Variants in DHDH observed in about 807,000 individuals in gnomAD.
DHDH encodes dihydrodiol dehydrogenase.
A neutral mutation model predicts 33.2 loss-of-function variants in DHDH; 29 were observed. That is an observed-to-expected ratio of 0.87 (90% CI 0.65 to 1.19). DHDH has a LOEUF of 1.19. DHDH is among the 50% of genes most tolerant of loss of function. The pLI is 0.00. For synonymous variants in DHDH, 201 were observed against 187.9 expected, an observed-to-expected ratio of 1.07 and a Z score of -0.57; for missense variants, 431 against 455.0, an observed-to-expected ratio of 0.95 and a Z score of 0.48.
In DHDH at chr19:48,935,093, G is replaced by T; in HGVS notation, c.184G>T (p.Ala62Ser). Residue 62 changes from alanine (A) to serine (S), a missense_variant, in exon 2 of 7, where the codon GCC (alanine) becomes TCC (serine). By Grantham distance (99) the Ala-to-Ser change is moderately conservative. Transcript: ENST00000221403. ...GGCCTACGGCTCCTATGAGGAGCTG[G>T]CCAAGGACCCGAGCGTGGGTGAGTG... ...PKAYGSYEEL[A>S]KDPSVEVAYI... 6.3e-7 allele frequency: 1 copy of T among 1,580,948 alleles called. No homozygotes were observed.
upstream of DHDH, chr19:48,933,686 A>C: frequency 6.2e-7 from 1 of 1,608,516 alleles, no homozygotes; most frequent in Admixed American, 1.7e-5. Flanking sequence ...TCGCGCCTGG[A>C]GGGACCGAAG....
chr19:48,944,869 T>G lies in DHDH; in HGVS notation c.941T>G (p.Leu314Arg). 1 of 1,614,078 alleles carries G rather than the reference T, an allele frequency of 6.2e-7. No homozygotes were observed. The highest frequency in any genetic ancestry group is 8.5e-7 in the Non-Finnish European group (1 of 1,180,028). ...PVIPLSESEL[L>R]ADILEEVRKA... ...ATTCCCCTGTCGGAAAGTGAGCTCC[T>G]GGCTGACATCCTTGAAGAGGTGAGG... The change falls in exon 7 of 7, where the codon CTG (leucine) becomes CGG (arginine). Residue 314 changes from leucine to arginine, a missense_variant. Transcript: ENST00000221403.
At chr19:48,942,239 C>T (rs555193913) in intron 4 of DHDH, among the ~76,000 whole-genome samples, 1 of 151,974 alleles carries the variant, frequency 6.6e-6, no homozygotes, top group South Asian at 2.1e-4. Context: ...CTCATGACCC[C>T]ACGATCTGCC....
chr19:48,941,512 G>T (rs1404635705), intron 4 of DHDH, among the ~76,000 whole-genome samples: 4 of 152,056 alleles, frequency 2.6e-5, no homozygotes, highest in Non-Finnish European at 5.9e-5. Context: ...CCCCCAAGTA[G>T]CTGGGCATAC....
Position 48,939,551 on chromosome 19 carries a change from A to G in DHDH, c.469A>G (p.Asn157Asp). Reference sequence around the variant, plus strand: ...GGTGGCTCGGGCAGAATTTGGGAAGAATCTCATCCACGTTCCCCGGGCCGT... The same window carrying G: ...GGTGGCTCGGGCAGAATTTGGGAAGGATCTCATCCACGTTCCCCGGGCCGT... ...LRVARAEFGK[N>D]LIHVPRAVDR... The change falls in exon 4 of 7, where the codon AAT (asparagine) becomes GAT (aspartate). Residue 157 changes from asparagine to aspartate, a missense_variant. Coordinates refer to ENST00000221403, the MANE Select transcript of DHDH (RefSeq NM_014475.4). 6.2e-7 allele frequency: 1 copy of G among 1,613,954 alleles called. No homozygotes were observed. The highest frequency in any genetic ancestry group is 8.5e-7 in the Non-Finnish European group (1 of 1,180,018).
At chr19:48,941,675 CTTTT>C (rs541784306) in intron 4 of DHDH, among the ~76,000 whole-genome samples, 5 of 131,162 alleles carry the variant, frequency 3.8e-5, no homozygotes, top group Non-Finnish European at 3.3e-5. Flanking sequence ...GAACCACCGG[CTTTT>C]TTTTTTTTTT....
chr19:48,936,034 G>A lies in DHDH; in HGVS notation c.205G>A (p.Val69Met). ...EELAKDPSVE[V>M]AYIGTQHPQH... Reference sequence around the variant, plus strand: ...CTCTTGACCTACTCCCACCCTAGAGGTGGCCTACATTGGCACCCAGCACCC... The same window carrying A: ...CTCTTGACCTACTCCCACCCTAGAGATGGCCTACATTGGCACCCAGCACCC... Residue 69 changes from valine to methionine, a missense_variant and splice_region_variant, in exon 3 of 7, where the codon GTG (valine) becomes ATG (methionine). Physicochemically the swap from Val to Met is conservative, Grantham distance 21 (BLOSUM62 1). Transcript: ENST00000221403. 6.3e-7 allele frequency: 1 copy of A among 1,598,436 alleles called. No individual in the cohort carries two copies. Among genetic ancestry groups the A allele is most frequent in the Non-Finnish European group, 8.5e-7 (1 of 1,173,876 alleles).
intron 5 of DHDH, among the ~76,000 whole-genome samples, chr19:48,942,947 A>C (rs1285577479): frequency 2.6e-5 from 4 of 151,666 alleles, no homozygotes; most frequent in African/African-American, 7.3e-5. Flanking sequence ...CCCAGCTACT[A>C]GGGAGGCTGA....
At chr19:48,944,071 C>G (rs2037905601) in intron 5 of DHDH, among the ~76,000 whole-genome samples, 1 of 152,118 alleles carries the variant, frequency 6.6e-6, no homozygotes, top group Non-Finnish European at 1.5e-5. Flanking sequence ...ATAAGCCCTC[C>G]TCTCTAGACC....
In DHDH at chr19:48,934,874, C is replaced by G. The variant is rs553194509; in HGVS notation, c.91-126C>G. 2.6e-4 allele frequency: 165 copies of G among 627,020 alleles called. 2 individuals are homozygous for G. The African/African-American group carries it at 2.7e-3, about 10-fold the overall frequency. The allele number at this position is 627,020 out of a possible 1,614,324, so 38.8% of individuals were successfully genotyped here. The stretch of plus-strand genomic sequence containing the variant: ...TTTCCCAGGGCCCAAATGTCCAGCC[C>G]CCGTCATCTCTTCCCCCAGGACCAC... On this transcript the variant is annotated intron_variant, in intron 1 of 6. Coordinates refer to ENST00000221403, the MANE Select transcript of DHDH (RefSeq NM_014475.4).
chr19:48,943,454 G>A (rs919508888), intron 5 of DHDH, among the ~76,000 whole-genome samples: 4 of 151,874 alleles, frequency 2.6e-5, no homozygotes, highest in African/African-American at 7.3e-5. Context: ...GTGATTGGGA[G>A]GCCAAGGCAG....
intron 4 of DHDH, among the ~76,000 whole-genome samples, chr19:48,941,452 G>A (rs1252819683): frequency 6.6e-6 from 1 of 151,992 alleles, no homozygotes; most frequent in Non-Finnish European, 1.5e-5. Context: ...TGTGATCTTG[G>A]CACACTGCAG....
chr19:48,933,768 A>T lies in DHDH; in HGVS notation c.47A>T (p.Asp16Val), dbSNP rs754208863. 6 of 1,612,790 alleles carry T rather than the reference A, an allele frequency of 3.7e-6. No homozygotes were observed. The African/African-American group carries it at 8.0e-5, about 22-fold the overall frequency. ...GIVSVGLISS[D>V]FTAVLQTLPR... ...GTGTCTGTCGGCCTCATCTCCAGCG[A>T]CTTCACAGCCGTGCTGCAGACGCTG... Residue 16 changes from aspartate (D) to valine (V), a missense_variant, in exon 1 of 7, where the codon GAC becomes GTC. Coordinates refer to ENST00000221403, the MANE Select transcript of DHDH (RefSeq NM_014475.4).
Position 48,935,068 on chromosome 19 carries a change from G to A in DHDH, c.159G>A (p.Lys53=). The stretch of plus-strand genomic sequence containing the variant: ...TTGCACAGAAACACGACATCCCCAA[G>A]GCCTACGGCTCCTATGAGGAGCTGG... ...KEFAQKHDIP[K]AYGSYEELAK... Residue 53 remains lysine (K), a synonymous_variant, in exon 2 of 7, where the codon AAG becomes AAA. Transcript: ENST00000221403. The A allele has an allele frequency of 6.3e-7, 1 of 1,591,852 alleles. No homozygotes were observed. The highest frequency in any genetic ancestry group is 8.5e-7 in the Non-Finnish European group (1 of 1,171,124).
At chr19:48,936,226 G>A (rs764296405) in intron 3 of DHDH, 31 bp downstream of exon 3, 1 of 1,537,238 alleles carries the variant, frequency 6.5e-7, no homozygotes, top group South Asian at 1.2e-5. Flanking sequence ...CCAATATCCA[G>A]CGTAAAAGTG....
chr19:48,942,835 A>C (rs1271062974), intron 5 of DHDH, among the ~76,000 whole-genome samples: 1 of 150,302 alleles, frequency 6.7e-6, no homozygotes, highest in Non-Finnish European at 1.5e-5. Flanking sequence ...CAGGCAGATC[A>C]CCTGAGGTCA....
In DHDH at chr19:48,939,645, T is replaced by C. The variant is rs1331154711; in HGVS notation, c.563T>C (p.Val188Ala). Residue 188 changes from valine to alanine, a missense_variant, in exon 4 of 7, where the codon GTC becomes GCC. Coordinates refer to ENST00000221403, the MANE Select transcript of DHDH (RefSeq NM_014475.4). Reference sequence around the variant, plus strand: ...TACTGTGTCCAGTTCACCTCCATGGTCTTTGGAGGGCAGAAGCCAGAGAAG... The same window carrying C: ...TACTGTGTCCAGTTCACCTCCATGGCCTTTGGAGGGCAGAAGCCAGAGAAG... The part of the protein sequence containing the change: ...GIYCVQFTSM[V>A]FGGQKPEKIS... 6.2e-7 allele frequency: 1 copy of C among 1,611,922 alleles called. No homozygotes were observed. The highest frequency in any genetic ancestry group is 2.2e-5 in the East Asian group (1 of 44,804).
At position 48,933,799 on chromosome 19, in the gene DHDH, C is replaced by G; in HGVS notation, c.78C>G (p.Arg26=). 1 of 1,610,406 alleles carries G rather than the reference C, an allele frequency of 6.2e-7. No homozygotes were observed. Among genetic ancestry groups the G allele is most frequent in the Non-Finnish European group, 8.5e-7 (1 of 1,179,968 alleles). Residue 26 remains arginine (R), a synonymous_variant, in exon 1 of 7, where the codon CGC becomes CGG. Transcript: ENST00000221403. ...CAGCCGTGCTGCAGACGCTGCCTCG[C>G]TCTGAGCACCAGGTCTGCCCGCCCT... is the stretch of plus-strand genomic sequence containing the variant. ...DFTAVLQTLP[R]SEHQVVAVAA...
chr19:48,936,170 G>A lies in DHDH; in HGVS notation c.341G>A (p.Arg114Gln), dbSNP rs2122248242. The A allele has an allele frequency of 6.2e-7, 1 of 1,600,876 alleles. No individual in the cohort carries two copies. The highest frequency in any genetic ancestry group is 8.5e-7 in the Non-Finnish European group (1 of 1,175,060). Reference protein sequence around the residue: ...AEVREMVAEARSRALFLMEAI... With the variant: ...AEVREMVAEAQSRALFLMEAI... ...GTTCGCGAGATGGTCGCGGAGGCCC[G>A]ATCCCGAGCCCTCTTCCTTATGGAG... Residue 114 changes from arginine to glutamine, a missense_variant, in exon 3 of 7, where the codon CGA becomes CAA. Coordinates refer to ENST00000221403, the MANE Select transcript of DHDH (RefSeq NM_014475.4).
Sources: allele counts gnomAD v4.1 joint callset (sites outside exome capture counted in the v4.1 genomes callset), GRCh38; gene constraint gnomAD v4.1.1; transcripts MANE v1.5; gene names NCBI Gene and HGNC (gene_info 2026-07-23, HGNC 2026-07-21).